Variants in DESI1 observed in about 807,000 individuals in gnomAD.
DESI1 encodes desumoylating isopeptidase 1.
Under a neutral mutation model 22.4 loss-of-function variants are expected in DESI1, and 17 were observed. The observed-to-expected ratio is 0.76, with a 90% CI of 0.52 to 1.14. DESI1 has a LOEUF of 1.14. Ranked by LOEUF, DESI1 falls within the 50% of genes most tolerant of loss-of-function variation. The probability of loss-of-function intolerance (pLI) is 0.00; values close to 1 mark genes in which losing one functional copy is unlikely to be tolerated. For missense variants in DESI1, 177 were observed against 208.9 expected (o/e 0.85, Z 0.94); for synonymous variants, 92 against 84.2 (o/e 1.09, Z -0.51).
chr22:41,617,426 T>G (rs1173430111), intron 1 of DESI1, among the ~76,000 whole-genome samples: 1 of 152,220 alleles, frequency 6.6e-6, no homozygotes, highest in Non-Finnish European at 1.5e-5. Flanking sequence ...TTAATATACT[T>G]CTAGAATTCA....
chr22:41,609,556 G>A (rs980926745), intron 1 of DESI1, among the ~76,000 whole-genome samples: 2 of 152,164 alleles, frequency 1.3e-5, no homozygotes, highest in Non-Finnish European at 2.9e-5. Flanking sequence ...CACTTTGGGA[G>A]GCCGAGGCAG....
chr22:41,604,238 A>T, intron 3 of DESI1, 85 bp from the exon 4 acceptor site: 3 of 885,006 alleles, frequency 3.4e-6, no homozygotes, highest in East Asian at 3.0e-5. Context: ...GACCACAAAC[A>T]CTCTGTTCTG....
At chr22:41,610,746 G>A (rs937986531) in intron 1 of DESI1, among the ~76,000 whole-genome samples, 5 of 151,804 alleles carry the variant, frequency 3.3e-5, no homozygotes, top group African/African-American at 1.2e-4. Context: ...GGTGGCAGGC[G>A]CCTGTAATCC....
chr22:41,606,455 GACA>G (rs1342916269), intron 3 of DESI1, among the ~76,000 whole-genome samples: 1 of 152,050 alleles, frequency 6.6e-6, no homozygotes, highest in Non-Finnish European at 1.5e-5. Flanking sequence ...CACCTACTGT[GACA>G]ACACTTGGAT....
chr22:41,600,994 G>A lies in DESI1; in HGVS notation c.*103C>T. ...GGGAAATTTAAAAAGCCGTCCCCTG[G>A]TTGTTAGCTCTGATGTAAAATTATA... is the stretch of plus-strand genomic sequence containing the variant. On this transcript the variant is annotated 3_prime_UTR_variant, in exon 6 of 6. Transcript: ENST00000263256. 1 of 1,099,932 alleles carries A rather than the reference G, an allele frequency of 9.1e-7. No homozygotes were observed. The highest frequency in any genetic ancestry group is 1.4e-5 in the South Asian group (1 of 72,198). 68.1% of individuals were successfully genotyped at this position (1,099,932 alleles called of 1,614,324 possible).
intron 1 of DESI1, among the ~76,000 whole-genome samples, chr22:41,620,335 C>A (rs976675710): frequency 8.5e-5 from 13 of 152,100 alleles, no homozygotes. Context: ...TCTGTCACCA[C>A]GAGGGGCACC....
In DESI1 at chr22:41,598,917, C is replaced by A. The variant is rs1393616374; in HGVS notation, c.*2180G>T. 6.6e-6 allele frequency: 1 copy of A among 152,268 alleles called. No homozygotes were observed. Among genetic ancestry groups the A allele is most frequent in the Non-Finnish European group, 1.5e-5 (1 of 68,058 alleles). 9.4% of individuals were successfully genotyped at this position (152,268 alleles called of 1,614,324 possible). A position where few individuals can be genotyped will look rare whatever the true frequency, so the allele number is the denominator to read the frequency against. On this transcript the variant is annotated 3_prime_UTR_variant, in exon 6 of 6. Transcript: ENST00000263256. Reference sequence around the variant, plus strand: ...TCTGCTCTAATCTATTATTTCCATGCACACTGGCAAATCAGTGGGTCTTGA... The same window carrying A: ...TCTGCTCTAATCTATTATTTCCATGAACACTGGCAAATCAGTGGGTCTTGA...
intron 1 of DESI1, among the ~76,000 whole-genome samples, chr22:41,609,114 G>C (rs2067500913): frequency 6.6e-6 from 1 of 152,000 alleles, no homozygotes; most frequent in South Asian, 2.1e-4. Flanking sequence ...GCTGATTTTT[G>C]TATTTTTAGT....
In DESI1 at chr22:41,599,455, G is replaced by T. The variant is rs553265933; in HGVS notation, c.*1642C>A. 2.6e-5 allele frequency: 4 copies of T among 152,316 alleles called. No individual in the cohort carries two copies. In the South Asian group the frequency reaches 8.3e-4, roughly 32 times the overall value. 9.4% of individuals were successfully genotyped at this position (152,316 alleles called of 1,614,324 possible). The stretch of plus-strand genomic sequence containing the variant: ...TCATGCCCCAACCTGCCTTTCTAAA[G>T]TCAGAATGACAATGGAAATAACGTG... On this transcript the variant is annotated 3_prime_UTR_variant, in exon 6 of 6. Coordinates refer to ENST00000263256, the MANE Select transcript of DESI1 (RefSeq NM_015704.3).
In DESI1 at chr22:41,606,773, C is replaced by CA. The variant is rs67262006; in HGVS notation, c.180+488dup. Reference sequence around the variant, plus strand: ...TGGGCGACGGAGCGAGACTCCATCTCAAAAAAAAAAAAAAAAAAAAAAAAA... The same window carrying CA: ...TGGGCGACGGAGCGAGACTCCATCTCAAAAAAAAAAAAAAAAAAAAAAAAAA... On this transcript the variant is annotated intron_variant, in intron 3 of 5. Transcript: ENST00000263256. Among the ~76,000 whole-genome samples, 212 of 62,716 alleles carry CA rather than the reference C, an allele frequency of 3.4e-3. 7 individuals carry two copies. The highest frequency in any genetic ancestry group is 0.017 in the South Asian group (19 of 1,114). 41.1% of individuals were successfully genotyped at this position (62,716 alleles called of 152,430 possible). A position where few individuals can be genotyped will look rare whatever the true frequency, so the allele number is the denominator to read the frequency against.
Position 41,600,880 on chromosome 22 carries a change from T to A in DESI1, c.*217A>T. The A allele has an allele frequency of 1.9e-6, 1 of 526,752 alleles. No homozygotes were observed. The highest frequency in any genetic ancestry group is 2.2e-5 in the South Asian group (1 of 45,358). 32.6% of individuals were successfully genotyped at this position (526,752 alleles called of 1,614,324 possible). On this transcript the variant is annotated 3_prime_UTR_variant, in exon 6 of 6. Transcript: ENST00000263256. ...GAACGCACAGACAAGACAGCCTTAA[T>A]AAATTAGTATAATACTATTAGAAGG...
At chr22:41,612,596 G>GATTT (rs1352495221) in intron 1 of DESI1, among the ~76,000 whole-genome samples, 1 of 150,396 alleles carries the variant, frequency 6.6e-6, no homozygotes, top group East Asian at 1.9e-4. Context: ...TTTGAGTGAA[G>GATTT]ATTTTTTTTT....
chr22:41,617,917 T>C (rs1259059072), intron 1 of DESI1, among the ~76,000 whole-genome samples: 1 of 152,212 alleles, frequency 6.6e-6, no homozygotes, highest in Non-Finnish European at 1.5e-5. Flanking sequence ...AGTTCCAGTA[T>C]CAGGCCAGAC....
intron 5 of DESI1, 83 bp downstream of exon 5, chr22:41,603,176 G>A: frequency 6.3e-7 from 1 of 1,597,988 alleles, no homozygotes; most frequent in South Asian, 1.1e-5. Flanking sequence ...GAGGGCAGAT[G>A]GGGGCCAGAG....
chr22:41,604,022 C>T, intron 4 of DESI1, 22 bp downstream of exon 4: 1 of 1,600,896 alleles, frequency 6.2e-7, no homozygotes, highest in South Asian at 1.1e-5. Flanking sequence ...CACAACTAAC[C>T]ACCACCCCTG....
Position 41,604,057 on chromosome 22 carries a change from C to T in DESI1, c.277G>A (p.Glu93Lys), listed in dbSNP as rs756759757. 4.3e-6 allele frequency: 7 copies of T among 1,613,522 alleles called. No homozygotes were observed. Among genetic ancestry groups the T allele is most frequent in the African/African-American group, 4.0e-5 (3 of 74,972 alleles). ...IFLEYLSSLG[E>K]SLFRGEAYNL... Reference sequence around the variant, plus strand: ...GTCTCCACTCACCGGAACAGGGACTCCCCCAGGGAGGAGAGGTACTCCAGA... The same window carrying T: ...GTCTCCACTCACCGGAACAGGGACTTCCCCAGGGAGGAGAGGTACTCCAGA... The change falls in exon 4 of 6, where the codon GAG (glutamate) becomes AAG (lysine). Residue 93 changes from glutamate (E) to lysine (K), a missense_variant. Glu to Lys is a moderately conservative substitution (Grantham distance 56, BLOSUM62 1). Transcript: ENST00000263256.
chr22:41,618,898 A>G (rs1027617473), intron 1 of DESI1, among the ~76,000 whole-genome samples: 6 of 152,134 alleles, frequency 3.9e-5, no homozygotes, highest in Non-Finnish European at 5.9e-5. Context: ...CCCCGTCTAT[A>G]CTAAAAATAC....
At chr22:41,602,172 A>G (rs2067453053) in intron 5 of DESI1, 1 of 981,696 alleles carries the variant, frequency 1.0e-6, no homozygotes, top group Non-Finnish European at 1.2e-6. Context: ...GGATACTGCC[A>G]TTTTTGAAAA....
intron 5 of DESI1, among the ~76,000 whole-genome samples, chr22:41,601,618 G>A (rs1224279643): frequency 6.6e-6 from 1 of 152,182 alleles, no homozygotes; most frequent in East Asian, 1.9e-4. Flanking sequence ...AAAGGGGTGA[G>A]GACAGCAAAC....
Sources: allele counts gnomAD v4.1 joint callset (sites outside exome capture counted in the v4.1 genomes callset), GRCh38; gene constraint gnomAD v4.1.1; transcripts MANE v1.5; gene names NCBI Gene and HGNC (gene_info 2026-07-23, HGNC 2026-07-21).